The following GALK2 variants were observed in gnomAD, a reference collection of about 807,000 sequenced individuals.
GALK2 encodes N-acetylgalactosamine kinase.
A neutral mutation model predicts 52.4 loss-of-function variants in GALK2; 36 were observed. The ratio of observed to expected loss-of-function variants is 0.69; its 90% CI spans 0.53 to 0.91. The LOEUF (loss-of-function observed/expected upper bound fraction) is 0.91. Among genes scored for constraint, GALK2 ranks in the 40% least tolerant of loss-of-function variants. The probability of loss-of-function intolerance (pLI) is 0.00; values close to 1 mark genes in which losing one functional copy is unlikely to be tolerated. For missense variants in GALK2, 579 were observed against 559.1 expected (o/e 1.04, Z -0.36); for synonymous variants, 176 against 199.1 (o/e 0.88, Z 0.98).
rs1446274059 is a variant in GALK2, at chr15:49,331,414, C to T, written c.*3255C>T. 2 of 196,424 alleles carry T rather than the reference C, an allele frequency of 1.0e-5. No individual in the cohort carries two copies. The highest frequency in any genetic ancestry group is 2.7e-4 in the East Asian group (2 of 7,418). The allele number at this position is 196,424 out of a possible 1,614,324, so 12.2% of individuals were successfully genotyped here. ...CATATTCTGCCTTGATAATTGAGGGCAGGGACCATTCATCTAACACAGCTG... is the reference window on the plus strand; with the variant it reads ...CATATTCTGCCTTGATAATTGAGGGTAGGGACCATTCATCTAACACAGCTG... On this transcript the variant is annotated 3_prime_UTR_variant, in exon 10 of 10. Transcript: ENST00000560031.
At chr15:49,294,184 T>TAAATAAGC (rs1280444432) in intron 8 of GALK2, among the ~76,000 whole-genome samples, 30 of 140,626 alleles carry the variant, frequency 2.1e-4, no homozygotes, top group Admixed American at 1.3e-3. Flanking sequence ...AATAAATAAA[T>TAAATAAGC]AAGCAAGCAA....
In GALK2 at chr15:49,358,979, C is replaced by G. The variant is rs1454408309; in HGVS notation, c.427-8512C>G. Among the ~76,000 whole-genome samples the G allele has an allele frequency of 3.4e-4, 50 of 148,994 alleles. No homozygotes were observed. In the East Asian group the frequency reaches 6.1e-3, roughly 18 times the overall value. Reference sequence around the variant, plus strand: ...CTTTGACAAACCTGAGAAAAACAAGCAATGGGGAAAGGATTCCCTATTTAA... The same window carrying G: ...CTTTGACAAACCTGAGAAAAACAAGGAATGGGGAAAGGATTCCCTATTTAA... On this transcript the variant is annotated intron_variant, in intron 3 of 3. Transcript: ENST00000558399.
chr15:49,271,395 T>G (rs2030581921), intron 5 of GALK2, among the ~76,000 whole-genome samples: 1 of 152,164 alleles, frequency 6.6e-6, no homozygotes, highest in Admixed American at 6.5e-5. Context: ...TTCTAAGAAT[T>G]TAAACAATGA....
intron 2 of GALK2, among the ~76,000 whole-genome samples, chr15:49,208,599 A>C (rs767905315): frequency 1.2e-4 from 18 of 152,302 alleles, no homozygotes; most frequent in Admixed American, 5.9e-4. Context: ...AGAAAGTTCC[A>C]TGCCCTGTTG....
intron 1 of GALK2, among the ~76,000 whole-genome samples, chr15:49,171,561 A>G (rs961710388): frequency 6.6e-6 from 1 of 152,224 alleles, no homozygotes; most frequent in African/African-American, 2.4e-5. Flanking sequence ...TTTAGTTACC[A>G]GAAAGAAGCA....
intron 7 of GALK2, among the ~76,000 whole-genome samples, chr15:49,284,388 T>C (rs530729821): frequency 6.6e-6 from 1 of 152,128 alleles, no homozygotes; most frequent in Non-Finnish European, 1.5e-5. Flanking sequence ...AAACAGGAAA[T>C]GGTTAATATG....
rs1249455816 is a variant in GALK2 at position 49,328,238 on chromosome 15, C to G, written c.*79C>G. The G allele has an allele frequency of 4.6e-6, 7 of 1,505,892 alleles. No homozygotes were observed. The highest frequency in any genetic ancestry group is 6.2e-6 in the Non-Finnish European group (7 of 1,125,848). The allele number at this position is 1,505,892 out of a possible 1,614,324, so 93.3% of individuals were successfully genotyped here. A position where few individuals can be genotyped will look rare whatever the true frequency, so the allele number is the denominator to read the frequency against. On this transcript the variant is annotated 3_prime_UTR_variant, in exon 10 of 10. Transcript: ENST00000560031. Reference sequence around the variant, plus strand: ...ACTTTCTGTGCCACAGTAAATTAATCTTCCTTCTGTTTTGTATTATGATGA... The same window carrying G: ...ACTTTCTGTGCCACAGTAAATTAATGTTCCTTCTGTTTTGTATTATGATGA...
intron 8 of GALK2, among the ~76,000 whole-genome samples, chr15:49,315,468 A>G (rs1266720475): frequency 6.6e-6 from 1 of 152,210 alleles, no homozygotes; most frequent in Non-Finnish European, 1.5e-5. Flanking sequence ...TGGTATCTGT[A>G]TAACAGAGAC....
rs779324128 is a variant in GALK2 at position 49,319,716 on chromosome 15, G to A, written c.1080G>A (p.Leu360=). ...CACCTGAAAACATGGTCCAGCTGCT[G>A]GGAGAGTTGATGAACCAGAGCCACA... ...EEAPENMVQL[L]GELMNQSHMS... Residue 360 remains leucine (L), a synonymous_variant, in exon 9 of 10, where the codon CTG becomes CTA. Transcript: ENST00000560031. 3.1e-6 allele frequency: 5 copies of A among 1,614,158 alleles called. No individual in the cohort carries two copies. Among genetic ancestry groups the A allele is most frequent in the Non-Finnish European group, 4.2e-6 (5 of 1,180,038 alleles).
chr15:49,217,253 T>C lies in GALK2; in HGVS notation c.206T>C (p.Ile69Thr), dbSNP rs1483573327. The change falls in exon 3 of 10, where the codon ATA becomes ACA. Residue 69 changes from isoleucine to threonine, a missense_variant. Transcript: ENST00000560031. ...ATGGCTGTAGAACAAGATGTGCTAATAGCTGTAGAACCTGTGAAAACGTAC... is the reference window on the plus strand; with the variant it reads ...ATGGCTGTAGAACAAGATGTGCTAACAGCTGTAGAACCTGTGAAAACGTAC... Reference protein sequence around the residue: ...LPMAVEQDVLIAVEPVKTYAL... With the variant: ...LPMAVEQDVLTAVEPVKTYAL... The C allele has an allele frequency of 2.5e-6, 4 of 1,613,192 alleles. No individual in the cohort carries two copies. The highest frequency in any genetic ancestry group is 1.1e-5 in the South Asian group (1 of 91,066).
intron 2 of GALK2, among the ~76,000 whole-genome samples, chr15:49,204,135 T>C (rs1022183222): frequency 2.0e-5 from 3 of 151,624 alleles, no homozygotes; most frequent in Non-Finnish European, 4.4e-5. Flanking sequence ...ATCAGTTGGC[T>C]GTAAATACAT....
chr15:49,340,281 C>A (rs1022096509), intron 3 of GALK2, among the ~76,000 whole-genome samples: 2 of 152,118 alleles, frequency 1.3e-5, no homozygotes, highest in African/African-American at 4.8e-5. Context: ...CTGCAGGTTG[C>A]GAAGACCATG....
intron 1 of GALK2, among the ~76,000 whole-genome samples, chr15:49,184,389 G>A (rs79222134): frequency 0.018 from 2,677 of 152,118 alleles, 101 homozygotes; most frequent in African/African-American, 0.062. Flanking sequence ...GTTGCTTGTA[G>A]GCAACAGATC....
intron 1 of GALK2, chr15:49,170,702 C>A: frequency 3.7e-6 from 1 of 267,480 alleles, no homozygotes; most frequent in South Asian, 1.3e-4. Flanking sequence ...CTCTTTGTCT[C>A]GCATGCCAGT....
intron 8 of GALK2, among the ~76,000 whole-genome samples, chr15:49,313,036 G>A (rs2036123726): frequency 6.6e-6 from 1 of 152,142 alleles, no homozygotes; most frequent in African/African-American, 2.4e-5. Flanking sequence ...GGACCAGGCT[G>A]GCATATAAAC....
chr15:49,324,520 A>T, intron 9 of GALK2, among the ~76,000 whole-genome samples: 1 of 152,106 alleles, frequency 6.6e-6, no homozygotes, highest in Non-Finnish European at 1.5e-5. Flanking sequence ...CTGCTCTTCA[A>T]TGGCCTTTAA....
intron 8 of GALK2, among the ~76,000 whole-genome samples, chr15:49,299,965 T>C (rs1000407980): frequency 6.6e-6 from 1 of 151,920 alleles, no homozygotes; most frequent in Non-Finnish European, 1.5e-5. Flanking sequence ...TTAGGTCCAT[T>C]TGGTCAAGTG....
At chr15:49,251,850 C>T (rs1004384258) in intron 5 of GALK2, among the ~76,000 whole-genome samples, 3 of 152,152 alleles carry the variant, frequency 2.0e-5, no homozygotes, top group Admixed American at 6.5e-5. Context: ...TTTCTTCAAC[C>T]CTAGGATCAA....
intron 1 of GALK2, among the ~76,000 whole-genome samples, chr15:49,158,587 T>C (rs1300276583): frequency 6.6e-6 from 1 of 152,196 alleles, no homozygotes; most frequent in Non-Finnish European, 1.5e-5. Context: ...GCAGCTGTTA[T>C]GTGGTATCAC....
Sources: gnomAD v4.1 joint callset for allele counts (sites outside exome capture counted in the v4.1 genomes callset) on GRCh38, gnomAD v4.1.1 for gene constraint, MANE v1.5 for transcripts, NCBI Gene and HGNC (gene_info 2026-07-23, HGNC 2026-07-21) for gene names.